The following ANK2 variants were observed in gnomAD, a reference collection of about 807,000 sequenced individuals.
ANK2 encodes the protein ankyrin 2, also known as ankyrin-2.
A neutral mutation model predicts 360.5 loss-of-function variants in ANK2; 83 were observed. That is an observed-to-expected ratio of 0.23 (90% confidence interval 0.19 to 0.28). ANK2 has a LOEUF of 0.28. Ranked by LOEUF, ANK2 falls within the 10% of genes least tolerant of loss-of-function variation. The probability of loss-of-function intolerance (pLI) is 1.00; values close to 1 mark genes in which losing one functional copy is unlikely to be tolerated. For missense variants in ANK2, 4,201 were observed against 4,795.7 expected (o/e 0.88, Z 3.66); for synonymous variants, 1,740 against 1,759.5 (o/e 0.99, Z 0.28).
At chr4:113,332,644 A>T (rs2092728131) in intron 28 of ANK2, among the ~76,000 whole-genome samples, 1 of 152,228 alleles carries the variant, frequency 6.6e-6, no homozygotes, top group African/African-American at 2.4e-5. Context: ...TTTACGACAC[A>T]TCAAATTATG....
chr4:113,242,206 T>G lies in ANK2; in HGVS notation c.888T>G (p.Thr296=). Residue 296 remains threonine (T), a synonymous_variant, in exon 9 of 46, where the codon ACT becomes ACG. Coordinates refer to ENST00000357077, the MANE Select transcript of ANK2 (RefSeq NM_001148.6). The part of the protein sequence containing the change: ...LDRGGQIDAK[T]RDGLTPLHCA... Reference sequence around the variant, plus strand: ...GAGGCGGTCAGATCGATGCCAAAACTAGGGTGAGTGTCTCTGTTCTTTCAA... The same window carrying G: ...GAGGCGGTCAGATCGATGCCAAAACGAGGGTGAGTGTCTCTGTTCTTTCAA... The G allele has an allele frequency of 1.2e-6, 2 of 1,612,294 alleles. No individual in the cohort carries two copies. The highest frequency in any genetic ancestry group is 1.7e-6 in the Non-Finnish European group (2 of 1,178,350).
chr4:112,769,783 A>G, the ANK2 span, among the ~76,000 whole-genome samples: 6 of 152,122 alleles, frequency 3.9e-5, no homozygotes, highest in East Asian at 1.9e-4. Context: ...CCATCCTGAG[A>G]TTGGAAAAAG....
At chr4:113,319,736 T>C (rs1158689453) in intron 26 of ANK2, among the ~76,000 whole-genome samples, 2 of 152,126 alleles carry the variant, frequency 1.3e-5, no homozygotes, top group African/African-American at 4.8e-5. Flanking sequence ...GCGACAGTTA[T>C]TCATGAGAAT....
intron 1 of ANK2, among the ~76,000 whole-genome samples, chr4:112,872,495 G>T (rs887794858): frequency 6.6e-6 from 1 of 151,980 alleles, no homozygotes; most frequent in Non-Finnish European, 1.5e-5. Context: ...GCGCCATCAC[G>T]CCTGGCTAAT....
chr4:112,863,671 A>T (rs549333736), intron 1 of ANK2, among the ~76,000 whole-genome samples: 14 of 151,674 alleles, frequency 9.2e-5, no homozygotes, highest in East Asian at 3.9e-4. Context: ...TGCAGGCGCC[A>T]GCCACCACGC....
intron 2 of ANK2, among the ~76,000 whole-genome samples, chr4:113,032,638 C>T (rs2060660136): frequency 6.6e-6 from 1 of 152,058 alleles, no homozygotes; most frequent in Non-Finnish European, 1.5e-5. Context: ...AAAGCAGCTA[C>T]TTCTGTTATT....
rs1563367204 is a variant in ANK2 at position 113,278,498 on chromosome 4, C to T, written c.1821C>T (p.Asp607=). The change falls in exon 17 of 46, where the codon GAC becomes GAT. Residue 607 remains aspartate (D), a synonymous_variant. Transcript: ENST00000357077. ...LTPLHVAAHY[D]NQKVALLLLE... is the part of the protein sequence containing the mutation. ...CGCTCCATGTTGCTGCTCATTATGA[C>T]AACCAGAAGGTGGCGCTGCTGTTAC... is the stretch of plus-strand genomic sequence containing the variant. 1.9e-6 allele frequency: 3 copies of T among 1,614,036 alleles called. No homozygotes were observed. Among genetic ancestry groups the T allele is most frequent in the Non-Finnish European group, 2.5e-6 (3 of 1,179,966 alleles).
At chr4:113,188,087 G>A (rs985327749) in intron 2 of ANK2, among the ~76,000 whole-genome samples, 6 of 152,128 alleles carry the variant, frequency 3.9e-5, no homozygotes, top group African/African-American at 1.4e-4. Flanking sequence ...AATCAATTGT[G>A]TTGTGCACAC....
chr4:112,744,643 C>A, the ANK2 span, among the ~76,000 whole-genome samples: 2 of 152,168 alleles, frequency 1.3e-5, no homozygotes, highest in African/African-American at 4.8e-5. Context: ...AGCCACCACG[C>A]CTGGCCAGGA....
chr4:112,930,761 G>A (rs2093128232), intron 2 of ANK2, among the ~76,000 whole-genome samples: 3 of 151,762 alleles, frequency 2.0e-5, no homozygotes, highest in South Asian at 2.1e-4. Context: ...GGTGGTGCAC[G>A]CCTGTAATCC....
chr4:112,962,144 C>A (rs2035142067), intron 2 of ANK2, among the ~76,000 whole-genome samples: 1 of 152,072 alleles, frequency 6.6e-6, no homozygotes, highest in Non-Finnish European at 1.5e-5. Flanking sequence ...ATATATTGCA[C>A]TCAGCTGTGA....
At chr4:113,224,623 G>A (rs925571372) in intron 4 of ANK2, among the ~76,000 whole-genome samples, 1 of 152,114 alleles carries the variant, frequency 6.6e-6, no homozygotes, top group African/African-American at 2.4e-5. Context: ...TATTTAATAA[G>A]CTTAGCAATG....
At chr4:113,168,406 T>C (rs1008300189) in intron 1 of ANK2, among the ~76,000 whole-genome samples, 17 of 152,206 alleles carry the variant, frequency 1.1e-4, no homozygotes, top group Admixed American at 2.6e-4. Context: ...ATTTATAGAG[T>C]TCACTTTTAT....
chr4:113,241,488 C>G (rs1585797609), intron 8 of ANK2, among the ~76,000 whole-genome samples: 1 of 152,260 alleles, frequency 6.6e-6, no homozygotes, highest in Non-Finnish European at 1.5e-5. Flanking sequence ...CAGGAACACA[C>G]TACCATGCCT....
chr4:113,053,232 C>T (rs931323220), intron 1 of ANK2, among the ~76,000 whole-genome samples: 2 of 152,146 alleles, frequency 1.3e-5, no homozygotes, highest in Non-Finnish European at 2.9e-5. Flanking sequence ...CTTTCTCATT[C>T]TCCAGCTTGA....
chr4:113,089,874 C>A (rs577932001), intron 1 of ANK2, among the ~76,000 whole-genome samples: 1 of 152,180 alleles, frequency 6.6e-6, no homozygotes, highest in Non-Finnish European at 1.5e-5. Context: ...ATATATGAAA[C>A]AACCTCCTGT....
chr4:113,181,874 C>T (rs1361454910), intron 2 of ANK2, among the ~76,000 whole-genome samples: 1 of 152,068 alleles, frequency 6.6e-6, no homozygotes, highest in Non-Finnish European at 1.5e-5. Flanking sequence ...CATGTAAGGC[C>T]TTGTGGGCTA....
At chr4:113,123,193 T>A in intron 1 of ANK2, among the ~76,000 whole-genome samples, 1 of 152,148 alleles carries the variant, frequency 6.6e-6, no homozygotes, top group African/African-American at 2.4e-5. Context: ...TTTATATAAA[T>A]GTTTTAATCT....
At chr4:113,191,462 A>G (rs1024618994) in intron 2 of ANK2, among the ~76,000 whole-genome samples, 3 of 152,148 alleles carry the variant, frequency 2.0e-5, no homozygotes, top group African/African-American at 7.2e-5. Context: ...TTACCCATCT[A>G]CTTCCTAGGT....
Sources: allele counts gnomAD v4.1 joint callset (sites outside exome capture counted in the v4.1 genomes callset), GRCh38; gene constraint gnomAD v4.1.1; transcripts MANE v1.5; gene names NCBI Gene and HGNC (gene_info 2026-07-23, HGNC 2026-07-21).